IPCEF1: variants seen among roughly 807,000 people sequenced by gnomAD.
The protein encoded by IPCEF1 is interaction protein for cytohesin exchange factors 1.
A neutral mutation model predicts 50.9 loss-of-function variants in IPCEF1; 31 were observed. That is an observed-to-expected ratio of 0.61 (90% confidence interval 0.46 to 0.82). The LOEUF is 0.82. IPCEF1 is among the 40% of genes least tolerant of loss of function. The pLI, the probability that IPCEF1 is intolerant of heterozygous loss-of-function variation, is 0.00. For synonymous variants in IPCEF1, 181 were observed against 192.0 expected, an observed-to-expected ratio of 0.94 and a Z score of 0.47; for missense variants, 458 against 514.0, an observed-to-expected ratio of 0.89 and a Z score of 1.05.
chr6:154,162,272 G>A (rs188687858), intron 11 of IPCEF1, among the ~76,000 whole-genome samples: 1 of 152,162 alleles, frequency 6.6e-6, no homozygotes, highest in African/African-American at 2.4e-5. Context: ...ACACATGTTT[G>A]CTGTTATTTC....
intron 9 of IPCEF1, among the ~76,000 whole-genome samples, chr6:154,203,945 A>G (rs1324263048): frequency 6.6e-6 from 1 of 152,242 alleles, no homozygotes; most frequent in Non-Finnish European, 1.5e-5. Flanking sequence ...GGTGCCAATT[A>G]CAATGCAAAT....
rs576806101 is a variant in IPCEF1 at position 154,322,246 on chromosome 6, G to T, written c.-61-32490C>A. On this transcript the variant is annotated intron_variant, in intron 1 of 11. Transcript: ENST00000367220. ...AAAGGCCACCTACAGGCTGGGCAAG[G>T]TGTCTCACACCTGTAATCCCAGCAT... 1.7e-3 allele frequency among the ~76,000 whole-genome samples: 264 copies of T among 152,298 alleles called. 1 individual carries two copies. Among genetic ancestry groups the T allele is most frequent in the Middle Eastern group, 3.4e-3 (1 of 294 alleles).
intron 3 of IPCEF1, chr6:154,247,760 CTACTT>C (rs1479970722): frequency 1.1e-5 from 4 of 366,928 alleles, no homozygotes; most frequent in Non-Finnish European, 2.0e-5. Flanking sequence ...GCTCTCACTA[CTACTT>C]TAGTTATGAT....
chr6:154,354,897 T>G (rs1584019313), intron 1 of IPCEF1, among the ~76,000 whole-genome samples: 1 of 152,298 alleles, frequency 6.6e-6, no homozygotes, highest in East Asian at 1.9e-4. Context: ...AAATATTTAC[T>G]GAGAGCAGGC....
chr6:154,210,995 A>T (rs959907296), intron 9 of IPCEF1, among the ~76,000 whole-genome samples: 2 of 152,246 alleles, frequency 1.3e-5, no homozygotes, highest in Non-Finnish European at 2.9e-5. Context: ...AACACAATAA[A>T]GATAAAAACT....
At chr6:154,211,125 A>C (rs1188257123) in intron 9 of IPCEF1, among the ~76,000 whole-genome samples, 1 of 152,210 alleles carries the variant, frequency 6.6e-6, no homozygotes, top group Non-Finnish European at 1.5e-5. Flanking sequence ...CAGTAGAAAC[A>C]GCATGTCCTG....
chr6:154,272,204 A>T (rs955687342), intron 2 of IPCEF1, among the ~76,000 whole-genome samples: 2 of 152,272 alleles, frequency 1.3e-5, no homozygotes, highest in African/African-American at 4.8e-5. Flanking sequence ...ACAAGTGTGC[A>T]TGCTTAGTAA....
chr6:154,210,843 A>T (rs999658762), intron 9 of IPCEF1, among the ~76,000 whole-genome samples: 2 of 152,302 alleles, frequency 1.3e-5, no homozygotes, highest in South Asian at 4.1e-4. Flanking sequence ...ATAAACATTT[A>T]TTCAACAATA....
chr6:154,215,336 C>T (rs527693678), intron 7 of IPCEF1, among the ~76,000 whole-genome samples: 3 of 152,208 alleles, frequency 2.0e-5, no homozygotes, highest in South Asian at 4.1e-4. Flanking sequence ...ATGCCGGGAG[C>T]GGTGGTTCAT....
intron 3 of IPCEF1, among the ~76,000 whole-genome samples, chr6:154,263,924 A>G (rs9371335): frequency 0.033 from 991 of 30,130 alleles, 111 homozygotes; most frequent in Admixed American, 0.055. Context: ...GGGCAGAGGG[A>G]CTCCTCACTT....
intron 2 of IPCEF1, among the ~76,000 whole-genome samples, chr6:154,266,361 A>G (rs1755737546): frequency 6.6e-6 from 1 of 152,018 alleles, no homozygotes; most frequent in African/African-American, 2.4e-5. Context: ...CTCCAGCCTA[A>G]GTGACAGAAC....
At chr6:154,293,878 T>C (rs1203367008) in intron 1 of IPCEF1, among the ~76,000 whole-genome samples, 1 of 152,200 alleles carries the variant, frequency 6.6e-6, no homozygotes, top group Non-Finnish European at 1.5e-5. Context: ...CAGCAAGAAA[T>C]GTTTCAACTG....
At chr6:154,245,178 G>A (rs1406806464) in intron 5 of IPCEF1, among the ~76,000 whole-genome samples, 2 of 152,016 alleles carry the variant, frequency 1.3e-5, no homozygotes, top group Non-Finnish European at 2.9e-5. Flanking sequence ...CAGGAGGGGA[G>A]AAGAAAAGAG....
chr6:154,339,747 C>T (rs1783865960), intron 1 of IPCEF1, among the ~76,000 whole-genome samples: 1 of 151,964 alleles, frequency 6.6e-6, no homozygotes, highest in Admixed American at 6.6e-5. Context: ...ACACCACCAC[C>T]ACATCCAGCT....
At chr6:154,252,298 G>C (rs1475720809) in intron 3 of IPCEF1, among the ~76,000 whole-genome samples, 1 of 152,172 alleles carries the variant, frequency 6.6e-6, no homozygotes, top group Admixed American at 6.5e-5. Context: ...AGGCAGGAGA[G>C]AAGGTTGTCG....
At chr6:154,221,164 A>G in intron 7 of IPCEF1, 93 bp downstream of exon 7, 1 of 852,294 alleles carries the variant, frequency 1.2e-6, no homozygotes, top group Admixed American at 2.5e-5. Context: ...ATAAAATAAT[A>G]ATTGATATGG....
At chr6:154,262,137 G>T (rs778327843) in intron 3 of IPCEF1, among the ~76,000 whole-genome samples, 1 of 152,204 alleles carries the variant, frequency 6.6e-6, no homozygotes, top group Non-Finnish European at 1.5e-5. Flanking sequence ...GACACTGACG[G>T]CTGTGAGATA....
chr6:154,206,941 C>A (rs1430460764), intron 9 of IPCEF1, among the ~76,000 whole-genome samples: 1 of 152,200 alleles, frequency 6.6e-6, no homozygotes, highest in Non-Finnish European at 1.5e-5. Flanking sequence ...AATACCAAGC[C>A]AAAGACTCAG....
chr6:154,307,713 C>T (rs1439015628), intron 1 of IPCEF1, among the ~76,000 whole-genome samples: 1 of 152,182 alleles, frequency 6.6e-6, no homozygotes, highest in African/African-American at 2.4e-5. Context: ...TCGACTTTTT[C>T]ACAGATCTGC....
Sources: allele counts gnomAD v4.1 joint callset (sites outside exome capture counted in the v4.1 genomes callset), GRCh38; gene constraint gnomAD v4.1.1; transcripts MANE v1.5; gene names NCBI Gene and HGNC (gene_info 2026-07-23, HGNC 2026-07-21).